DACH1: variants seen among roughly 807,000 people sequenced by gnomAD.
The protein encoded by DACH1 is dachshund family transcription factor 1, also known as dachshund homolog 1.
A neutral mutation model predicts 54.2 loss-of-function variants in DACH1; 12 were observed. That is an observed-to-expected ratio of 0.22 (90% CI 0.14 to 0.36). The LOEUF is 0.36. Among genes scored for constraint, DACH1 ranks in the 10% least tolerant of loss-of-function variants. The probability of loss-of-function intolerance (pLI) is 1.00; values close to 1 mark genes in which losing one functional copy is unlikely to be tolerated. For missense variants in DACH1, 805 were observed against 929.8 expected, an observed-to-expected ratio of 0.87 and a Z score of 1.75; for synonymous variants, 386 against 366.2, an observed-to-expected ratio of 1.05 and a Z score of -0.62.
chr13:71,842,781 T>C (rs1446340081), intron 1 of DACH1, among the ~76,000 whole-genome samples: 4 of 152,132 alleles, frequency 2.6e-5, no homozygotes, highest in Non-Finnish European at 1.5e-5. Flanking sequence ...TTTAAAATAC[T>C]AAAATATTTC....
At chr13:71,738,016 G>GGAC (rs1405431506) in intron 1 of DACH1, among the ~76,000 whole-genome samples, 1 of 152,124 alleles carries the variant, frequency 6.6e-6, no homozygotes, top group Non-Finnish European at 1.5e-5. Context: ...TTCAGTAATG[G>GGAC]GACAAATACT....
At chr13:71,835,344 G>A (rs760252667) in intron 1 of DACH1, among the ~76,000 whole-genome samples, 3 of 152,016 alleles carry the variant, frequency 2.0e-5, no homozygotes, top group Non-Finnish European at 4.4e-5. Context: ...ATTGTATGGA[G>A]AAGTCTGAAT....
intron 2 of DACH1, among the ~76,000 whole-genome samples, chr13:71,653,992 A>G (rs910394376): frequency 2.0e-5 from 3 of 152,182 alleles, no homozygotes; most frequent in Non-Finnish European, 2.9e-5. Flanking sequence ...TCTGTTAATA[A>G]TTGTACTACA....
intron 1 of DACH1, among the ~76,000 whole-genome samples, chr13:71,701,910 A>G (rs1882154076): frequency 6.6e-6 from 1 of 152,134 alleles, no homozygotes; most frequent in South Asian, 2.1e-4. Context: ...TTGCGACACT[A>G]AAACAAAGTT....
intron 1 of DACH1, among the ~76,000 whole-genome samples, chr13:71,757,400 T>C (rs906678208): frequency 1.3e-5 from 2 of 152,170 alleles, no homozygotes; most frequent in Non-Finnish European, 2.9e-5. Flanking sequence ...GAGTCTTTGT[T>C]GTCTAACCTG....
At chr13:71,702,258 A>G (rs917790975) in intron 1 of DACH1, among the ~76,000 whole-genome samples, 1 of 152,184 alleles carries the variant, frequency 6.6e-6, no homozygotes, top group Non-Finnish European at 1.5e-5. Context: ...AACTTACTAA[A>G]TTAAAATGAA....
chr13:71,550,603 TTCC>T (rs951178883), intron 6 of DACH1, among the ~76,000 whole-genome samples: 2 of 152,172 alleles, frequency 1.3e-5, no homozygotes, highest in African/African-American at 4.8e-5. Context: ...AGTAAGTATT[TTCC>T]TCAATTGTCA....
chr13:71,579,930 G>T (rs1885758226), intron 3 of DACH1, among the ~76,000 whole-genome samples: 2 of 152,022 alleles, frequency 1.3e-5, no homozygotes, highest in Admixed American at 6.6e-5. Flanking sequence ...ATGCAGACTG[G>T]GTAAATAGTT....
intron 1 of DACH1, among the ~76,000 whole-genome samples, chr13:71,857,006 C>G (rs906465010): frequency 1.3e-5 from 2 of 151,654 alleles, no homozygotes; most frequent in African/African-American, 2.4e-5. Context: ...TATGCTGGCT[C>G]TAAGTGCAAG....
intron 1 of DACH1, among the ~76,000 whole-genome samples, chr13:71,777,028 A>G (rs1383396172): frequency 6.6e-5 from 10 of 152,062 alleles, no homozygotes; most frequent in Non-Finnish European, 1.5e-4. Flanking sequence ...TCTTATCCCA[A>G]ATTATGCTAT....
At chr13:71,527,924 C>T (rs150665940) in intron 6 of DACH1, among the ~76,000 whole-genome samples, 2 of 147,978 alleles carry the variant, frequency 1.4e-5, no homozygotes, top group African/African-American at 5.0e-5. Flanking sequence ...TTTGTTAACA[C>T]TTTTTTTTTT....
At chr13:71,779,529 G>T (rs190932289) in intron 1 of DACH1, among the ~76,000 whole-genome samples, 1 of 151,800 alleles carries the variant, frequency 6.6e-6, no homozygotes, top group African/African-American at 2.4e-5. Context: ...CTTTTTGCTT[G>T]TAAAAAGTAC....
intron 2 of DACH1, among the ~76,000 whole-genome samples, chr13:71,656,989 T>C (rs1157974600): frequency 7.1e-6 from 1 of 141,060 alleles, no homozygotes; most frequent in Non-Finnish European, 1.5e-5. Flanking sequence ...CATATATATG[T>C]GTACAGGTAT....
At position 71,866,311 on chromosome 13, in the gene DACH1, ACTGCTGCTGCTGCTGCTGCTGCTACTG is replaced by A. The variant is rs1874763726; in HGVS notation, c.432_458del (p.Ser155_Ser163del). On this transcript the variant is annotated inframe_deletion, in exon 1 of 11. Coordinates refer to ENST00000613252, the MANE Select transcript of DACH1 (RefSeq NM_080759.6). ...TGCTGCTACTGCTGCTGCTGCTACT[ACTGCTGCTGCTGCTGCTGCTGCTACTG>A]CTGCTGCTGCTGCTGCCGGTGCTGG... 15 of 1,541,508 alleles carry A rather than the reference ACTGCTGCTGCTGCTGCTGCTGCTACTG, an allele frequency of 9.7e-6. No individual in the cohort carries two copies. The highest frequency in any genetic ancestry group is 1.9e-4 in the Middle Eastern group (1 of 5,152).
intron 1 of DACH1, among the ~76,000 whole-genome samples, chr13:71,781,447 C>T (rs1377343425): frequency 6.6e-6 from 1 of 151,566 alleles, no homozygotes; most frequent in African/African-American, 2.4e-5. Context: ...GGCACCATCT[C>T]GGCTCACTGC....
chr13:71,473,125 T>A (rs1044781883), intron 10 of DACH1, among the ~76,000 whole-genome samples: 2 of 152,210 alleles, frequency 1.3e-5, no homozygotes, highest in Non-Finnish European at 1.5e-5. Context: ...AAAGTCATAT[T>A]ATCTGATAAA....
intron 1 of DACH1, among the ~76,000 whole-genome samples, chr13:71,853,705 G>A (rs185766206): frequency 1.3e-3 from 201 of 152,258 alleles, no homozygotes; most frequent in African/African-American, 4.7e-3. Flanking sequence ...ACATTTGTGA[G>A]TTTAAATGCA....
At chr13:71,712,372 C>T (rs1882761340) in intron 1 of DACH1, among the ~76,000 whole-genome samples, 1 of 151,866 alleles carries the variant, frequency 6.6e-6, no homozygotes, top group South Asian at 2.1e-4. Context: ...ATATAGATAA[C>T]ATACATATTA....
chr13:71,699,540 C>T (rs746095262), intron 1 of DACH1, among the ~76,000 whole-genome samples: 5 of 152,128 alleles, frequency 3.3e-5, no homozygotes, highest in African/African-American at 4.8e-5. Context: ...ATTGGGTTCA[C>T]CGATAGGATT....
Sources: allele counts gnomAD v4.1 joint callset (sites outside exome capture counted in the v4.1 genomes callset), GRCh38; gene constraint gnomAD v4.1.1; transcripts MANE v1.5; gene names NCBI Gene and HGNC (gene_info 2026-07-23, HGNC 2026-07-21).